Variants in UGT1A6 observed in about 807,000 individuals in gnomAD.
UGT1A6 encodes UDP glucuronosyltransferase family 1 member A6.
Under a neutral mutation model 44.4 loss-of-function variants are expected in UGT1A6, and 32 were observed. The observed-to-expected ratio is 0.72, with a 90% CI of 0.54 to 0.97. The LOEUF (loss-of-function observed/expected upper bound fraction) is 0.97, where lower values mean the gene tolerates loss of function less well. UGT1A6 is among the 50% of genes least tolerant of loss of function. The pLI is 0.00. For missense variants in UGT1A6, 685 were observed against 661.9 expected, an observed-to-expected ratio of 1.03 and a Z score of -0.38; for synonymous variants, 238 against 248.5, an observed-to-expected ratio of 0.96 and a Z score of 0.40.
At chr2:233,729,131 C>A (rs1449948739) in intron 1 of UGT1A6, 2 of 1,613,182 alleles carry the variant, frequency 1.2e-6, no homozygotes, top group East Asian at 4.5e-5. Context: ...GCTGAGATGG[C>A]CACAGGACTC....
intron 1 of UGT1A6, among the ~76,000 whole-genome samples, chr2:233,710,386 G>A (rs1450809479): frequency 2.0e-5 from 3 of 152,194 alleles, no homozygotes; most frequent in Non-Finnish European, 2.9e-5. Flanking sequence ...TAACAGCAAC[G>A]CATTAGAGTT....
At chr2:233,694,526 C>T (rs1490198137) in intron 1 of UGT1A6, among the ~76,000 whole-genome samples, 2 of 152,070 alleles carry the variant, frequency 1.3e-5, no homozygotes, top group Non-Finnish European at 2.9e-5. Context: ...AGGAAAAGGG[C>T]CCAGAGTTAC....
At chr2:233,744,445 T>A (rs1692819462) in intron 1 of UGT1A6, among the ~76,000 whole-genome samples, 1 of 151,876 alleles carries the variant, frequency 6.6e-6, no homozygotes, top group Non-Finnish European at 1.5e-5. Context: ...ACGTACTGCA[T>A]TAGAGATTAA....
rs1393468196 is a variant in UGT1A6 at position 233,724,983 on chromosome 2, G to A, written c.861+31118G>A. Among the ~76,000 whole-genome samples, 3 of 134,836 alleles carry A rather than the reference G, an allele frequency of 2.2e-5. 1 individual carries two copies. The highest frequency in any genetic ancestry group is 9.1e-5 in the African/African-American group (3 of 32,964). The allele number at this position is 134,836 out of a possible 152,430, so 88.5% of individuals were successfully genotyped here. A position where few individuals can be genotyped will look rare whatever the true frequency, so the allele number is the denominator to read the frequency against. On this transcript the variant is annotated intron_variant, in intron 1 of 4. Transcript: ENST00000305139. ...AGGCCGAGGTTGGCGGATCACTCGC[G>A]GTTAGGGGCTGGAGACCGGCCCGGC...
chr2:233,759,046 C>G (rs1422861422), intron 1 of UGT1A6, among the ~76,000 whole-genome samples: 1 of 152,268 alleles, frequency 6.6e-6, no homozygotes, highest in South Asian at 2.1e-4. Context: ...CTGTTGTGAA[C>G]AAAAGTTCTC....
intron 1 of UGT1A6, among the ~76,000 whole-genome samples, chr2:233,732,578 C>T (rs902333577): frequency 6.6e-6 from 1 of 152,146 alleles, no homozygotes; most frequent in Non-Finnish European, 1.5e-5. Context: ...TTCCCCATTG[C>T]TTGTTTTTGT....
chr2:233,742,999 C>A, intron 1 of UGT1A6: 1 of 234,266 alleles, frequency 4.3e-6, no homozygotes, highest in Non-Finnish European at 8.5e-6. Context: ...AAATTGCATA[C>A]AGATATTTTA....
intron 1 of UGT1A6, chr2:233,743,737 C>T: frequency 7.3e-7 from 1 of 1,367,416 alleles, no homozygotes. Flanking sequence ...TATCGCGTTT[C>T]TTGGCGTCCG....
chr2:233,721,672 C>T, intron 1 of UGT1A6: 1 of 278,988 alleles, frequency 3.6e-6, no homozygotes, highest in South Asian at 3.5e-5. Context: ...AGGGTTAATC[C>T]AATAATGAGC....
At chr2:233,699,007 A>C (rs575733122) in intron 1 of UGT1A6, among the ~76,000 whole-genome samples, 1 of 152,358 alleles carries the variant, frequency 6.6e-6, no homozygotes, top group South Asian at 2.1e-4. Context: ...CTGTAAGAAC[A>C]TGAGAGGCTG....
At chr2:233,765,091 C>T (rs1473276364) in intron 1 of UGT1A6, among the ~76,000 whole-genome samples, 1 of 152,110 alleles carries the variant, frequency 6.6e-6, no homozygotes, top group Non-Finnish European at 1.5e-5. Context: ...TCTAGGGTGA[C>T]CAGCATCCTG....
chr2:233,709,621 T>A (rs1424178540), intron 1 of UGT1A6, among the ~76,000 whole-genome samples: 1 of 152,210 alleles, frequency 6.6e-6, no homozygotes, highest in Non-Finnish European at 1.5e-5. Context: ...TATAGGTGTT[T>A]TGCTGTGAGT....
chr2:233,764,801 C>T (rs1177973907), intron 1 of UGT1A6, among the ~76,000 whole-genome samples: 8 of 152,184 alleles, frequency 5.3e-5, no homozygotes, highest in African/African-American at 1.9e-4. Context: ...GGTGTTCTTG[C>T]TACAAACCAA....
Position 233,693,078 on chromosome 2 carries a change from T to C in UGT1A6, c.74T>C (p.Val25Ala), listed in dbSNP as rs751253746. The change falls in exon 1 of 5, where the codon GTA (valine) becomes GCA (alanine). Residue 25 changes from valine to alanine, a missense_variant. By Grantham distance (64) the Val-to-Ala change is moderately conservative. Transcript: ENST00000305139. ...VFFLALWGMV[V>A]GDKLLVVPQD... ...TTCTTAGCACTTTGGGGCATGGTTG[T>C]AGGTGACAAGCTGCTGGTGGTCCCT... 1.2e-6 allele frequency: 2 copies of C among 1,614,188 alleles called. No individual in the cohort carries two copies. Among genetic ancestry groups the C allele is most frequent in the South Asian group, 2.2e-5 (2 of 91,070 alleles).
chr2:233,718,875 C>G, intron 1 of UGT1A6: 1 of 1,613,984 alleles, frequency 6.2e-7, no homozygotes, highest in Non-Finnish European at 8.5e-7. Context: ...ACTGCTGCTC[C>G]TCCTCAGTGT....
intron 1 of UGT1A6, among the ~76,000 whole-genome samples, chr2:233,757,541 T>TATAC (rs1229454769): frequency 1.7e-5 from 2 of 117,592 alleles, no homozygotes; most frequent in Non-Finnish European, 3.6e-5. Flanking sequence ...AAGGAATATA[T>TATAC]ATATATATAT....
chr2:233,756,388 A>G (rs1696196627), intron 1 of UGT1A6: 1 of 152,140 alleles, frequency 6.6e-6, no homozygotes, highest in Admixed American at 6.5e-5. Flanking sequence ...TAGTTGTTTT[A>G]CAGTATTGGT....
chr2:233,760,957 G>A (rs775797489), intron 1 of UGT1A6: 40 of 1,614,066 alleles, frequency 2.5e-5, no homozygotes, highest in Admixed American at 3.3e-5. Flanking sequence ...CTTTCTGTGC[G>A]ACGTGGTTTA....
At position 233,772,285 on chromosome 2, in the gene UGT1A6, T is replaced by C. The variant is rs758411577; in HGVS notation, c.1325T>C (p.Leu442Pro). The change falls in exon 5 of 5, where the codon CTC becomes CCC. Residue 442 changes from leucine to proline, a missense_variant. Leu to Pro is a moderately conservative substitution (Grantham distance 98). Coordinates refer to ENST00000305139, the MANE Select transcript of UGT1A6 (RefSeq NM_001072.4). ...DKSYKENIMRLSSLHKDRPVE... is the reference protein window; with the variant it reads ...DKSYKENIMRPSSLHKDRPVE... ...AGTTACAAGGAGAACATCATGCGCC[T>C]CTCCAGCCTTCACAAGGACCGCCCG... 3.1e-6 allele frequency: 5 copies of C among 1,614,220 alleles called. No individual in the cohort carries two copies. The highest frequency in any genetic ancestry group is 3.4e-6 in the Non-Finnish European group (4 of 1,180,040).
Sources: allele counts gnomAD v4.1 joint callset (sites outside exome capture counted in the v4.1 genomes callset), GRCh38; gene constraint gnomAD v4.1.1; transcripts MANE v1.5; gene names NCBI Gene and HGNC (gene_info 2026-07-23, HGNC 2026-07-21).